The following DENND1B variants were observed in gnomAD, a reference collection of about 807,000 sequenced individuals.
DENND1B encodes the protein DENN domain-containing protein 1B.
DENND1B carries 59 observed loss-of-function variants against 90.1 expected under a neutral mutation model. The ratio of observed to expected loss-of-function variants is 0.65; its 90% CI spans 0.53 to 0.81. The LOEUF (loss-of-function observed/expected upper bound fraction) is 0.81. Ranked by LOEUF, DENND1B falls within the 40% of genes least tolerant of loss-of-function variation. The pLI is 0.00. For missense variants in DENND1B, 862 were observed against 912.6 expected, an observed-to-expected ratio of 0.94 and a Z score of 0.71; for synonymous variants, 337 against 324.6, an observed-to-expected ratio of 1.04 and a Z score of -0.41.
chr1:197,746,408 G>A lies in DENND1B; in HGVS notation c.82+26460C>T, dbSNP rs114566045. Among the ~76,000 whole-genome samples the A allele has an allele frequency of 9.1e-3, 1,390 of 152,020 alleles. 18 individuals carry two copies. Among genetic ancestry groups the A allele is most frequent in the African/African-American group, 0.028 (1,180 of 41,508 alleles). On this transcript the variant is annotated intron_variant, in intron 2 of 22. Transcript: ENST00000620048. ...TGTCTCAAAAAAAGAAAGAAAGAAA[G>A]TATGAGAAGATCACTGACTACACTA...
Position 197,584,837 on chromosome 1 carries a change from AAC to A in DENND1B, c.1048-1586_1048-1585del, listed in dbSNP as rs1674558523. The stretch of plus-strand genomic sequence containing the variant: ...CAGGCACATGCCACCATGCCCGGCT[AAC>A]ATTTTGTATTTTCTGTAGAGAAAGG... On this transcript the variant is annotated intron_variant, in intron 14 of 22. Transcript: ENST00000620048. Among the ~76,000 whole-genome samples the A allele has an allele frequency of 3.3e-5, 5 of 151,974 alleles. No individual in the cohort carries two copies. In the South Asian group the frequency reaches 1.0e-3, roughly 32 times the overall value.
chr1:197,713,852 T>TTA (rs1553334501), intron 3 of DENND1B, among the ~76,000 whole-genome samples: 2 of 6,768 alleles, frequency 3.0e-4, no homozygotes, highest in African/African-American at 1.1e-3. Context: ...TATTATATTA[T>TTA]TATAATATAT....
intron 2 of DENND1B, among the ~76,000 whole-genome samples, chr1:197,738,384 T>A (rs942330606): frequency 6.6e-6 from 1 of 152,212 alleles, no homozygotes; most frequent in African/African-American, 2.4e-5. Flanking sequence ...GGGAACTACA[T>A]CTTATACCCA....
chr1:197,715,011 A>C lies in DENND1B; in HGVS notation c.126+20T>G. Reference sequence around the variant, plus strand: ...TAATACTTCAACTTTAAATTTTTTAAAAAATTATGTGGTACCAACCTGGTC... The same window carrying C: ...TAATACTTCAACTTTAAATTTTTTACAAAATTATGTGGTACCAACCTGGTC... On this transcript the variant is annotated intron_variant, in intron 3 of 22. Coordinates refer to ENST00000620048, the MANE Select transcript of DENND1B (RefSeq NM_001195215.2). The C allele has an allele frequency of 1.3e-6, 2 of 1,597,772 alleles. No homozygotes were observed. Among genetic ancestry groups the C allele is most frequent in the Non-Finnish European group, 1.7e-6 (2 of 1,166,558 alleles).
chr1:197,734,544 G>C, intron 2 of DENND1B: 1 of 973,848 alleles, frequency 1.0e-6, no homozygotes, highest in Non-Finnish European at 1.2e-6. Context: ...TAGATGTTTT[G>C]TGTTATTGGT....
intron 10 of DENND1B, among the ~76,000 whole-genome samples, chr1:197,623,374 T>A (rs1158433486): frequency 2.0e-5 from 3 of 151,344 alleles, no homozygotes; most frequent in African/African-American, 7.3e-5. Flanking sequence ...AAAAAACTGT[T>A]TAAACACATT....
chr1:197,512,720 T>C (rs1300377995), intron 21 of DENND1B, 151 bp downstream of exon 21: 4 of 629,004 alleles, frequency 6.4e-6, no homozygotes, highest in Non-Finnish European at 1.1e-5. Context: ...CCCATAACAT[T>C]CCAGGAGCAC....
At chr1:197,712,718 C>A (rs369644045) in intron 3 of DENND1B, among the ~76,000 whole-genome samples, 3 of 4,416 alleles carry the variant, frequency 6.8e-4, no homozygotes, top group Non-Finnish European at 1.1e-3. Context: ...GCAACAAAAG[C>A]CAAAATTGAC....
intron 14 of DENND1B, among the ~76,000 whole-genome samples, chr1:197,590,473 ATTAC>A (rs1675099683): frequency 6.6e-6 from 1 of 152,148 alleles, no homozygotes; most frequent in African/African-American, 2.4e-5. Flanking sequence ...TAAAATATTC[ATTAC>A]TTTATTTAAA....
At chr1:197,665,035 A>G (rs1318955749) in intron 5 of DENND1B, among the ~76,000 whole-genome samples, 1 of 152,172 alleles carries the variant, frequency 6.6e-6, no homozygotes, top group Admixed American at 6.5e-5. Flanking sequence ...CAATTGCCAG[A>G]TTTAAATTAG....
chr1:197,607,190 A>C lies in DENND1B; in HGVS notation c.820-16T>G. 1 of 1,494,698 alleles carries C rather than the reference A, an allele frequency of 6.7e-7. No individual in the cohort carries two copies. Among genetic ancestry groups the C allele is most frequent in the Non-Finnish European group, 9.2e-7 (1 of 1,085,624 alleles). The allele number at this position is 1,494,698 out of a possible 1,614,324, so 92.6% of individuals were successfully genotyped here. A position where few individuals can be genotyped will look rare whatever the true frequency, so the allele number is the denominator to read the frequency against. On this transcript the variant is annotated splice_polypyrimidine_tract_variant and intron_variant, in intron 12 of 22. Transcript: ENST00000620048. ...TTTTCACTCTCTATAAAAAAAACAC[A>C]ATTATGAATACAAATCAGTATATTT... is the stretch of plus-strand genomic sequence containing the variant.
intron 20 of DENND1B, among the ~76,000 whole-genome samples, chr1:197,516,192 C>T (rs902375444): frequency 6.6e-6 from 1 of 151,746 alleles, no homozygotes; most frequent in Non-Finnish European, 1.5e-5. Context: ...ATGTTGTTTT[C>T]CTTTCCTTGG....
intron 2 of DENND1B, among the ~76,000 whole-genome samples, chr1:197,765,888 C>A (rs1434565399): frequency 6.6e-6 from 1 of 152,178 alleles, no homozygotes; most frequent in Non-Finnish European, 1.5e-5. Flanking sequence ...TAATAATCAA[C>A]AAATACTGAA....
intron 20 of DENND1B, among the ~76,000 whole-genome samples, chr1:197,519,770 A>G (rs947339647): frequency 6.6e-6 from 1 of 151,896 alleles, no homozygotes; most frequent in African/African-American, 2.4e-5. Flanking sequence ...GCAAATGTCC[A>G]GTGGTGGGAC....
chr1:197,640,620 T>C (rs1269017466), intron 10 of DENND1B, among the ~76,000 whole-genome samples: 1 of 152,124 alleles, frequency 6.6e-6, no homozygotes, highest in Non-Finnish European at 1.5e-5. Flanking sequence ...AAGGCTACTA[T>C]TGCTCCTACT....
At chr1:197,741,536 A>G (rs748808259) in intron 2 of DENND1B, among the ~76,000 whole-genome samples, 2 of 152,174 alleles carry the variant, frequency 1.3e-5, no homozygotes, top group African/African-American at 2.4e-5. Flanking sequence ...GTTTGAACCT[A>G]ATTATCAAAT....
chr1:197,735,526 C>T, intron 2 of DENND1B: 1 of 1,610,620 alleles, frequency 6.2e-7, no homozygotes, highest in Non-Finnish European at 8.5e-7. Context: ...TTAGTGTGAA[C>T]TATGAAACAT....
At chr1:197,577,470 C>T (rs944988507) in intron 15 of DENND1B, among the ~76,000 whole-genome samples, 1 of 152,084 alleles carries the variant, frequency 6.6e-6, no homozygotes, top group Non-Finnish European at 1.5e-5. Flanking sequence ...ATTTATATTA[C>T]TATATGAATG....
intron 2 of DENND1B, among the ~76,000 whole-genome samples, chr1:197,721,579 C>G (rs1661185755): frequency 6.6e-6 from 1 of 151,864 alleles, no homozygotes; most frequent in Admixed American, 6.6e-5. Context: ...ATAAAGTGGG[C>G]AGGGGAGAAC....
Sources: allele counts gnomAD v4.1 joint callset (sites outside exome capture counted in the v4.1 genomes callset), GRCh38; gene constraint gnomAD v4.1.1; transcripts MANE v1.5; gene names NCBI Gene and HGNC (gene_info 2026-07-23, HGNC 2026-07-21).